Variants in CACNA2D3 observed in about 807,000 individuals in gnomAD.
CACNA2D3 encodes voltage-dependent calcium channel subunit alpha-2/delta-3.
Under a neutral mutation model 160.6 loss-of-function variants are expected in CACNA2D3, and 60 were observed. The observed-to-expected ratio is 0.37, with a 90% CI of 0.30 to 0.46. The LOEUF is 0.46. Among genes scored for constraint, CACNA2D3 ranks in the 20% least tolerant of loss-of-function variants. CACNA2D3 has a pLI of 1.00. For synonymous variants in CACNA2D3, 558 were observed against 492.9 expected (o/e 1.13, Z -1.75); for missense variants, 1,205 against 1,365.0 (o/e 0.88, Z 1.85).
chr3:54,123,303 G>T (rs999164966), intron 1 of CACNA2D3, among the ~76,000 whole-genome samples: 1 of 132,754 alleles, frequency 7.5e-6, no homozygotes, highest in African/African-American at 2.6e-5. Context: ...TCTTAACTCC[G>T]CGACCCCCCT....
rs536513770 is a variant in CACNA2D3 at position 54,141,115 on chromosome 3, C to T, written c.204+17521C>T. ...CGCGCGCGCGTGTGTGCATGCATGC[C>T]TGAGATGTGTCATATTAGATGTAGA... On this transcript the variant is annotated intron_variant, in intron 2 of 37. Transcript: ENST00000474759. Among the ~76,000 whole-genome samples, 11 of 69,352 alleles carry T rather than the reference C, an allele frequency of 1.6e-4. No individual in the cohort carries two copies. In the East Asian group the frequency reaches 6.2e-3, roughly 39 times the overall value. 45.5% of individuals were successfully genotyped at this position (69,352 alleles called of 152,430 possible).
chr3:54,690,750 A>C (rs1700555992), intron 11 of CACNA2D3, among the ~76,000 whole-genome samples: 1 of 152,198 alleles, frequency 6.6e-6, no homozygotes. Flanking sequence ...TATTTGTTAA[A>C]ATATGACAAA....
At chr3:55,073,904 C>A in intron 37 of CACNA2D3, 45 bp downstream of exon 37, 1 of 1,479,354 alleles carries the variant, frequency 6.8e-7, no homozygotes, top group Non-Finnish European at 9.4e-7. Flanking sequence ...ATCAGAATCA[C>A]CACGAGAGTC....
At position 54,163,468 on chromosome 3, in the gene CACNA2D3, C is replaced by T. The variant is rs73085911; in HGVS notation, c.204+39874C>T. Among the ~76,000 whole-genome samples the T allele has an allele frequency of 7.2e-3, 1,099 of 152,244 alleles. 2 individuals are homozygous for T. Among genetic ancestry groups the T allele is most frequent in the Non-Finnish European group, 0.01 (681 of 68,026 alleles). ...CTATCCTTGTAGCAGAAGGAAAGGGCGATGGTGGAATCCATAATGGCTTCT... is the reference window on the plus strand; with the variant it reads ...CTATCCTTGTAGCAGAAGGAAAGGGTGATGGTGGAATCCATAATGGCTTCT... On this transcript the variant is annotated intron_variant, in intron 2 of 37. Coordinates refer to ENST00000474759, the MANE Select transcript of CACNA2D3 (RefSeq NM_018398.3).
At position 55,014,454 on chromosome 3, in the gene CACNA2D3, G is replaced by A. The variant is rs369117800; in HGVS notation, c.2876-3752G>A. Among the ~76,000 whole-genome samples the A allele has an allele frequency of 1.1e-4, 16 of 152,276 alleles. No individual in the cohort carries two copies. In the East Asian group the frequency reaches 2.1e-3, roughly 20 times the overall value. ...TTAAAACAGTATCCAGTATGGCTAG[G>A]CACAGTGGCTCACGCCTGTAATCCC... On this transcript the variant is annotated intron_variant, in intron 34 of 37. Coordinates refer to ENST00000474759, the MANE Select transcript of CACNA2D3 (RefSeq NM_018398.3).
At chr3:54,832,419 G>A (rs1309883782) in intron 14 of CACNA2D3, among the ~76,000 whole-genome samples, 2 of 152,136 alleles carry the variant, frequency 1.3e-5, no homozygotes, top group Non-Finnish European at 2.9e-5. Flanking sequence ...TAAAGGAAGT[G>A]GGTGATACCT....
intron 2 of CACNA2D3, among the ~76,000 whole-genome samples, chr3:54,256,700 C>T (rs965658617): frequency 6.9e-6 from 1 of 145,262 alleles, no homozygotes; most frequent in East Asian, 2.2e-4. Context: ...CCATCAACAT[C>T]GAAATAAAGC....
At chr3:54,525,870 T>C (rs1335028853) in intron 5 of CACNA2D3, among the ~76,000 whole-genome samples, 1 of 152,076 alleles carries the variant, frequency 6.6e-6, no homozygotes, top group Non-Finnish European at 1.5e-5. Flanking sequence ...TGCAGGTTAT[T>C]ATTTTTCAAT....
intron 11 of CACNA2D3, among the ~76,000 whole-genome samples, chr3:54,646,625 A>C (rs1248570489): frequency 1.3e-5 from 2 of 152,120 alleles, no homozygotes; most frequent in African/African-American, 4.8e-5. Context: ...TGTGTGGTAT[A>C]TGTACCACAT....
chr3:55,026,982 C>T (rs751973733), intron 35 of CACNA2D3, among the ~76,000 whole-genome samples: 60 of 150,702 alleles, frequency 4.0e-4, no homozygotes, highest in African/African-American at 8.5e-4. Flanking sequence ...CCGCTAAGCG[C>T]GCATGCACGC....
chr3:54,164,430 T>C (rs1700410628), intron 2 of CACNA2D3, among the ~76,000 whole-genome samples: 1 of 152,248 alleles, frequency 6.6e-6, no homozygotes, highest in South Asian at 2.1e-4. Context: ...ACAGCTGCCC[T>C]GAGCTCCACA....
intron 29 of CACNA2D3, among the ~76,000 whole-genome samples, chr3:54,974,853 G>GC (rs1702350523): frequency 1.3e-5 from 2 of 150,014 alleles, no homozygotes; most frequent in African/African-American, 4.8e-5. Flanking sequence ...CAGGGTGACA[G>GC]ATAGACATCT....
At chr3:54,594,313 G>A (rs116392086) in intron 9 of CACNA2D3, among the ~76,000 whole-genome samples, 2,426 of 152,254 alleles carry the variant, frequency 0.016, 25 homozygotes, top group Non-Finnish European at 0.025. Context: ...GCATGGTTAT[G>A]TTCCAATAAA....
chr3:55,066,662 CTCTG>C (rs763342722), intron 35 of CACNA2D3, among the ~76,000 whole-genome samples: 5 of 152,142 alleles, frequency 3.3e-5, no homozygotes, highest in Non-Finnish European at 7.4e-5. Context: ...CCAGTTCTTC[CTCTG>C]TCTGTAGTGA....
intron 9 of CACNA2D3, among the ~76,000 whole-genome samples, chr3:54,614,507 T>C (rs1698808391): frequency 6.6e-6 from 1 of 152,252 alleles, no homozygotes; most frequent in Non-Finnish European, 1.5e-5. Flanking sequence ...TCACATTTTG[T>C]GCAAGCTTCT....
rs1182587776 is a variant in CACNA2D3, at chr3:54,727,942, TCTTA to T, written c.1168-24653_1168-24650del. The stretch of plus-strand genomic sequence containing the variant: ...GATATGTTCTGTCATTTTAGACCTT[TCTTA>T]CTTCTTTTGAGAAGTTCAATTGTTA... On this transcript the variant is annotated intron_variant, in intron 11 of 37. Coordinates refer to ENST00000474759, the MANE Select transcript of CACNA2D3 (RefSeq NM_018398.3). Among the ~76,000 whole-genome samples the T allele has an allele frequency of 4.6e-5, 7 of 152,376 alleles. No individual in the cohort carries two copies. In the East Asian group the frequency reaches 5.8e-4, roughly 13 times the overall value.
intron 3 of CACNA2D3, among the ~76,000 whole-genome samples, chr3:54,355,268 C>A (rs750400658): frequency 1.3e-5 from 2 of 152,170 alleles, no homozygotes; most frequent in Non-Finnish European, 2.9e-5. Context: ...GAATGTAGGT[C>A]ATACTTGAAG....
At chr3:55,031,526 G>A (rs374826990) in intron 35 of CACNA2D3, among the ~76,000 whole-genome samples, 176 of 152,204 alleles carry the variant, frequency 1.2e-3, no homozygotes, top group Non-Finnish European at 1.8e-3. Flanking sequence ...AGGACATCCC[G>A]TATACTCAAA....
chr3:54,723,086 C>A (rs1701202899), intron 11 of CACNA2D3, among the ~76,000 whole-genome samples: 1 of 152,180 alleles, frequency 6.6e-6, no homozygotes, highest in Admixed American at 6.5e-5. Context: ...TTCAGAGATG[C>A]CCTGCCCAGA....
Sources: gnomAD v4.1 joint callset for allele counts (sites outside exome capture counted in the v4.1 genomes callset) on GRCh38, gnomAD v4.1.1 for gene constraint, MANE v1.5 for transcripts, NCBI Gene and HGNC (gene_info 2026-07-23, HGNC 2026-07-21) for gene names.